The following PAX2 variants were observed in gnomAD, a reference collection of about 807,000 sequenced individuals.
PAX2 encodes the protein paired box 2.
In PAX2, 9 loss-of-function variants were observed where a neutral mutation model predicts 41.7. The observed-to-expected ratio is 0.22, with a 90% CI of 0.13 to 0.38. The LOEUF (loss-of-function observed/expected upper bound fraction) is 0.38, where lower values mean the gene tolerates loss of function less well. Among genes scored for constraint, PAX2 ranks in the 10% least tolerant of loss-of-function variants. The pLI is 1.00. For missense variants in PAX2, 418 were observed against 531.6 expected (o/e 0.79, Z 2.10); for synonymous variants, 221 against 212.7 (o/e 1.04, Z -0.34).
intron 3 of PAX2, among the ~76,000 whole-genome samples, chr10:100,767,925 A>G (rs1287759297): frequency 1.3e-5 from 2 of 152,296 alleles, no homozygotes; most frequent in South Asian, 2.1e-4. Flanking sequence ...GACAAGTTGG[A>G]GTTTATAAAA....
Position 100,781,229 on chromosome 10 carries a change from T to A in PAX2, c.497-17T>A, listed in dbSNP as rs1846608546. The A allele has an allele frequency of 6.2e-7, 1 of 1,613,890 alleles. No individual in the cohort carries two copies. The highest frequency in any genetic ancestry group is 8.5e-7 in the Non-Finnish European group (1 of 1,179,896). Reference sequence around the variant, plus strand: ...AAACTGCTATCCTGATGCCATTTCCTCCTTCCTCTCATCCAGTTCCCAGCA... The same window carrying A: ...AAACTGCTATCCTGATGCCATTTCCACCTTCCTCTCATCCAGTTCCCAGCA... On this transcript the variant is annotated splice_polypyrimidine_tract_variant and intron_variant, in intron 4 of 9. Transcript: ENST00000355243.
intron 3 of PAX2, among the ~76,000 whole-genome samples, chr10:100,770,717 C>T (rs1846180066): frequency 6.6e-6 from 1 of 152,168 alleles, no homozygotes; most frequent in African/African-American, 2.4e-5. Flanking sequence ...TCTAAGTAAC[C>T]CACTGGGAAT....
chr10:100,789,498 C>T (rs1847014164), intron 5 of PAX2, among the ~76,000 whole-genome samples: 1 of 152,198 alleles, frequency 6.6e-6, no homozygotes, highest in African/African-American at 2.4e-5. Context: ...ATCACAGACT[C>T]TCCCCTCCCT....
intron 3 of PAX2, among the ~76,000 whole-genome samples, chr10:100,775,137 A>G (rs1329309859): frequency 6.6e-6 from 1 of 152,198 alleles, no homozygotes; most frequent in African/African-American, 2.4e-5. Flanking sequence ...CCAGGGATCT[A>G]TATCCAGAAC....
At chr10:100,797,163 A>G (rs1404576701) in intron 5 of PAX2, among the ~76,000 whole-genome samples, 1 of 152,276 alleles carries the variant, frequency 6.6e-6, no homozygotes, top group Non-Finnish European at 1.5e-5. Context: ...CATGAAGTTT[A>G]TAAAGTTGAA....
At chr10:100,793,529 C>T (rs1847213744) in intron 5 of PAX2, among the ~76,000 whole-genome samples, 1 of 152,232 alleles carries the variant, frequency 6.6e-6, no homozygotes, top group Non-Finnish European at 1.5e-5. Flanking sequence ...CTCTTCTTCT[C>T]CACAGGTAAC....
At chr10:100,797,159 G>A (rs1847367980) in intron 5 of PAX2, among the ~76,000 whole-genome samples, 1 of 152,224 alleles carries the variant, frequency 6.6e-6, no homozygotes, top group Admixed American at 6.5e-5. Context: ...TCTACATGAA[G>A]TTTATAAAGT....
chr10:100,754,514 C>A (rs573031551), intron 3 of PAX2, among the ~76,000 whole-genome samples: 41 of 152,330 alleles, frequency 2.7e-4, no homozygotes, highest in African/African-American at 9.6e-4. Context: ...TAGGTGAGTA[C>A]ATTCATTCTC....
At chr10:100,742,939 A>C (rs1845022738), upstream of PAX2, among the ~76,000 whole-genome samples, 1 of 133,372 alleles carries the variant, frequency 7.5e-6, no homozygotes, top group African/African-American at 3.0e-5. Context: ...GAGAACAGAA[A>C]AGGGGGAGTC....
Position 100,828,799 on chromosome 10 carries a change from AAT to A in PAX2, c.*1183_*1184del. On this transcript the variant is annotated 3_prime_UTR_variant, in exon 10 of 10. Transcript: ENST00000355243. The surrounding 1 kb of genome is among the most constrained non-coding windows in gnomAD (Gnocchi z 6.5). ...AACCACAAAAAGTCTACATTTATTT[AAT>A]ATGATGGTCTTTGCAAAAAGGAACA... 1 of 232,698 alleles carries A rather than the reference AAT, an allele frequency of 4.3e-6. No homozygotes were observed. The highest frequency in any genetic ancestry group is 5.7e-5 in the Admixed American group (1 of 17,678). 14.4% of individuals were successfully genotyped at this position (232,698 alleles called of 1,614,324 possible).
At chr10:100,823,034 G>A (rs1848422065) in intron 7 of PAX2, among the ~76,000 whole-genome samples, 2 of 152,136 alleles carry the variant, frequency 1.3e-5, no homozygotes, top group South Asian at 2.1e-4. Context: ...ATATTCTGTG[G>A]CAAAAAGAAG....
intron 3 of PAX2, among the ~76,000 whole-genome samples, chr10:100,774,602 C>T (rs982294786): frequency 2.0e-5 from 3 of 152,196 alleles, no homozygotes; most frequent in South Asian, 2.1e-4. Context: ...TGAAAGCACC[C>T]GGGCCTAGGG....
Position 100,768,836 on chromosome 10 carries a change from A to G in PAX2, c.411-10662A>G, listed in dbSNP as rs574575220. Among the ~76,000 whole-genome samples, 13 of 152,378 alleles carry G rather than the reference A, an allele frequency of 8.5e-5. No homozygotes were observed. In the South Asian group the frequency reaches 2.7e-3, roughly 32 times the overall value. ...ATTTCTGGCTCCAATGCTATTAAGC[A>G]TGTGACTTTGGGCAAGTTGCTTGGC... On this transcript the variant is annotated intron_variant, in intron 3 of 9. Transcript: ENST00000355243.
At chr10:100,759,782 G>A (rs928785248) in intron 3 of PAX2, among the ~76,000 whole-genome samples, 1 of 152,200 alleles carries the variant, frequency 6.6e-6, no homozygotes, top group Non-Finnish European at 1.5e-5. Context: ...GAGGGGAGCA[G>A]GCAGAAAGGG....
chr10:100,798,797 G>A (rs1459089930), intron 5 of PAX2, among the ~76,000 whole-genome samples: 1 of 152,014 alleles, frequency 6.6e-6, no homozygotes, highest in Non-Finnish European at 1.5e-5. Flanking sequence ...CTGACCTCTG[G>A]GGAGCCACCC....
intron 3 of PAX2, among the ~76,000 whole-genome samples, chr10:100,758,029 C>T (rs1162499233): frequency 6.6e-6 from 1 of 152,106 alleles, no homozygotes; most frequent in Non-Finnish European, 1.5e-5. Context: ...AGAAATGAGG[C>T]CCTTTCTTTT....
In PAX2 at chr10:100,745,785, A is replaced by G; in HGVS notation, c.-476A>G. 1.1e-5 allele frequency: 12 copies of G among 1,061,256 alleles called. No homozygotes were observed. The highest frequency in any genetic ancestry group is 1.4e-5 in the Non-Finnish European group (12 of 877,754). 65.7% of individuals were successfully genotyped at this position (1,061,256 alleles called of 1,614,324 possible). On this transcript the variant is annotated 5_prime_UTR_variant, in exon 1 of 10. Coordinates refer to ENST00000355243, the MANE Select transcript of PAX2 (RefSeq NM_000278.5). The stretch of plus-strand genomic sequence containing the variant: ...CCCCGGGATTGCTACTTCTCTGCCA[A>G]CTTCGCCAACTCGCCAGCACTTGGA...
chr10:100,815,012 A>G (rs1348685103), intron 7 of PAX2, among the ~76,000 whole-genome samples: 1 of 152,190 alleles, frequency 6.6e-6, no homozygotes, highest in African/African-American at 2.4e-5. Flanking sequence ...AGGGTTGCCA[A>G]CTCAGAAGCT....
chr10:100,819,012 C>A (rs1344533290), intron 7 of PAX2, among the ~76,000 whole-genome samples: 3 of 151,258 alleles, frequency 2.0e-5, no homozygotes, highest in Non-Finnish European at 4.4e-5. Context: ...TTTGGGAGGC[C>A]GAGGTGGGTG....
Sources: gnomAD v4.1 joint callset for allele counts (sites outside exome capture counted in the v4.1 genomes callset) on GRCh38, gnomAD v4.1.1 for gene constraint, Gnocchi (gnomAD v3.1) non-coding constraint, MANE v1.5 for transcripts, NCBI Gene and HGNC (gene_info 2026-07-23, HGNC 2026-07-21) for gene names.